ARFIP1: variants seen among roughly 807,000 people sequenced by gnomAD.
The protein encoded by ARFIP1 is ARF interacting protein 1.
A neutral mutation model predicts 42.5 loss-of-function variants in ARFIP1; 24 were observed. The ratio of observed to expected loss-of-function variants is 0.57; its 90% CI spans 0.41 to 0.80. ARFIP1 has a LOEUF of 0.80. ARFIP1 is among the 30% of genes least tolerant of loss of function. The probability of loss-of-function intolerance (pLI) is 0.00; values close to 1 mark genes in which losing one functional copy is unlikely to be tolerated. For synonymous variants in ARFIP1, 141 were observed against 153.7 expected, an observed-to-expected ratio of 0.92 and a Z score of 0.61; for missense variants, 354 against 434.0, an observed-to-expected ratio of 0.82 and a Z score of 1.64.
intron 8 of ARFIP1, among the ~76,000 whole-genome samples, chr4:152,901,237 A>G (rs1737805373): frequency 6.6e-6 from 1 of 152,212 alleles, no homozygotes; most frequent in Non-Finnish European, 1.5e-5. Context: ...GGTAATGCTT[A>G]TCATTAGTTT....
chr4:152,801,698 A>G (rs1438058483), intron 1 of ARFIP1, among the ~76,000 whole-genome samples: 1 of 152,212 alleles, frequency 6.6e-6, no homozygotes, highest in African/African-American at 2.4e-5. Context: ...TGTTTTAGAA[A>G]AGTACATTTA....
chr4:152,851,400 C>T (rs746137914), intron 2 of ARFIP1, among the ~76,000 whole-genome samples: 5 of 152,062 alleles, frequency 3.3e-5, no homozygotes, highest in Non-Finnish European at 7.4e-5. Context: ...TCATCAGAAG[C>T]AACTGTAACA....
At chr4:152,786,342 T>C (rs1730807816) in intron 1 of ARFIP1, among the ~76,000 whole-genome samples, 1 of 152,214 alleles carries the variant, frequency 6.6e-6, no homozygotes, top group Non-Finnish European at 1.5e-5. Flanking sequence ...CTTCCCTCCC[T>C]ACAAAACTGC....
chr4:152,824,482 A>C (rs1730654790), intron 1 of ARFIP1, among the ~76,000 whole-genome samples: 1 of 152,238 alleles, frequency 6.6e-6, no homozygotes, highest in Non-Finnish European at 1.5e-5. Flanking sequence ...GCATTTGATA[A>C]AATTCAGCAT....
chr4:152,826,252 A>G (rs1730827097), intron 1 of ARFIP1, among the ~76,000 whole-genome samples: 1 of 152,210 alleles, frequency 6.6e-6, no homozygotes, highest in South Asian at 2.1e-4. Context: ...GATAAAGAAA[A>G]TGGGGTTTAT....
At chr4:152,780,463 T>C (rs1286417360) in intron 1 of ARFIP1, among the ~76,000 whole-genome samples, 1 of 152,186 alleles carries the variant, frequency 6.6e-6, no homozygotes, top group African/African-American at 2.4e-5. Flanking sequence ...GACCGGCCCT[T>C]GCAGGGAGGC....
At chr4:152,874,704 A>G (rs564432162) in intron 5 of ARFIP1, among the ~76,000 whole-genome samples, 122 of 152,206 alleles carry the variant, frequency 8.0e-4, no homozygotes, top group Non-Finnish European at 1.4e-3. Context: ...TCACTCTGTC[A>G]CTCAGGCTTG....
intron 8 of ARFIP1, among the ~76,000 whole-genome samples, chr4:152,907,249 G>A (rs1738437058): frequency 1.3e-5 from 2 of 152,074 alleles, no homozygotes; most frequent in Non-Finnish European, 2.9e-5. Context: ...CATTTTAGGT[G>A]GTTTTTTCCC....
intron 3 of ARFIP1, among the ~76,000 whole-genome samples, chr4:152,865,437 G>C (rs148379931): frequency 6.6e-6 from 1 of 152,094 alleles, no homozygotes. Flanking sequence ...GTGCCTGGCC[G>C]TATGCTGTAT....
chr4:152,877,686 T>G (rs1361152974), intron 5 of ARFIP1, among the ~76,000 whole-genome samples: 1 of 152,058 alleles, frequency 6.6e-6, no homozygotes, highest in East Asian at 1.9e-4. Context: ...AAATCTCAAC[T>G]TGAGTTGTAT....
intron 8 of ARFIP1, among the ~76,000 whole-genome samples, chr4:152,905,960 T>C (rs1738326131): frequency 6.6e-6 from 1 of 152,190 alleles, no homozygotes; most frequent in Admixed American, 6.5e-5. Context: ...GAGAGAAATA[T>C]TTTTGAAGTC....
At chr4:152,802,940 T>C (rs1309292253) in intron 1 of ARFIP1, among the ~76,000 whole-genome samples, 1 of 152,100 alleles carries the variant, frequency 6.6e-6, no homozygotes, top group Non-Finnish European at 1.5e-5. Context: ...GTAAGTAGCA[T>C]GAGAAAAAAA....
At chr4:152,900,837 T>G (rs1281098273) in intron 8 of ARFIP1, among the ~76,000 whole-genome samples, 3 of 152,188 alleles carry the variant, frequency 2.0e-5, no homozygotes, top group African/African-American at 7.2e-5. Context: ...TTTTTACACT[T>G]TTTTCTTACA....
intron 8 of ARFIP1, among the ~76,000 whole-genome samples, chr4:152,903,413 A>G (rs1245013638): frequency 2.0e-5 from 3 of 152,040 alleles, no homozygotes; most frequent in East Asian, 1.9e-4. Context: ...ATTGAGAACA[A>G]TTCGCTTTTT....
chr4:152,843,216 A>G (rs1732242031), intron 2 of ARFIP1, among the ~76,000 whole-genome samples: 1 of 152,090 alleles, frequency 6.6e-6, no homozygotes, highest in African/African-American at 2.4e-5. Context: ...CAGAGAGTGT[A>G]TCTGGCTCCA....
intron 1 of ARFIP1, among the ~76,000 whole-genome samples, chr4:152,785,148 A>T (rs1730725718): frequency 6.6e-6 from 1 of 152,134 alleles, no homozygotes; most frequent in Non-Finnish European, 1.5e-5. Flanking sequence ...CAATTTCAGC[A>T]CATCTGTAAT....
chr4:152,879,321 T>C (rs1278228315), intron 5 of ARFIP1, among the ~76,000 whole-genome samples: 1 of 152,160 alleles, frequency 6.6e-6, no homozygotes, highest in Admixed American at 6.5e-5. Context: ...AAAGAAATAT[T>C]CAGGATATTA....
At position 152,863,856 on chromosome 4, in the gene ARFIP1, C is replaced by CTTACTTA; in HGVS notation, c.202+144_202+145insACTTATT. On this transcript the variant is annotated intron_variant, in intron 3 of 8. Coordinates refer to ENST00000353617, the MANE Select transcript of ARFIP1 (RefSeq NM_001025595.3). ...TGATTATAAATGTATTCCTTTTTCT[C>CTTACTTA]TTCAATTTAAGTAATAGAATTATTT... The CTTACTTA allele has an allele frequency of 5.7e-6, 3 of 529,032 alleles. No individual in the cohort carries two copies. The South Asian group carries it at 7.9e-5, about 14-fold the overall frequency. 32.8% of individuals were successfully genotyped at this position (529,032 alleles called of 1,614,324 possible). A position where few individuals can be genotyped will look rare whatever the true frequency, so the allele number is the denominator to read the frequency against.
chr4:152,845,875 A>G (rs1460720707), intron 2 of ARFIP1, among the ~76,000 whole-genome samples: 2 of 152,178 alleles, frequency 1.3e-5, no homozygotes, highest in East Asian at 3.8e-4. Context: ...TCATTCTACC[A>G]AAAAGACACA....
Sources: allele counts gnomAD v4.1 joint callset (sites outside exome capture counted in the v4.1 genomes callset), GRCh38; gene constraint gnomAD v4.1.1; transcripts MANE v1.5; gene names NCBI Gene and HGNC (gene_info 2026-07-23, HGNC 2026-07-21).